The following GPR143 variants were observed in gnomAD, a reference collection of about 807,000 sequenced individuals.
The protein encoded by GPR143 is G protein-coupled receptor 143.
In GPR143, 8 loss-of-function variants were observed where a neutral mutation model predicts 27.6. The ratio of observed to expected loss-of-function variants is 0.29; its 90% CI spans 0.17 to 0.52. The LOEUF (loss-of-function observed/expected upper bound fraction) is 0.52. Among genes scored for constraint, GPR143 ranks in the 20% least tolerant of loss-of-function variants. The probability of loss-of-function intolerance (pLI) is 0.96; values close to 1 mark genes in which losing one functional copy is unlikely to be tolerated. For missense variants in GPR143, 303 were observed against 343.1 expected (o/e 0.88, Z 0.92); for synonymous variants, 156 against 153.2 (o/e 1.02, Z -0.13).
chrX:9,741,504 C>T (rs375846509), intron 6 of GPR143, 49 bp from the exon 7 acceptor site: 9 of 617,412 alleles, frequency 1.5e-5, no homozygotes, highest in African/African-American at 6.6e-5. Context: ...CAATGAAACT[C>T]GTTTTTAAAT....
At chrX:9,778,331 C>T (rs760129860) in intron 1 of GPR143, among the ~76,000 whole-genome samples, 12 of 111,532 alleles carry the variant, frequency 1.1e-4, no homozygotes, top group African/African-American at 3.3e-4. Flanking sequence ...AGCAGGCTAA[C>T]GGCAAGCCAC....
intron 7 of GPR143, chrX:9,741,119 G>A (rs1001939180): frequency 6.8e-6 from 2 of 292,950 alleles, no homozygotes; most frequent in African/African-American, 5.6e-5. Context: ...TAAAAAAAGA[G>A]ATGGGGTCTC....
rs149494223 is a variant in GPR143, at chrX:9,752,125, A to G, written c.456-3459T>C. On this transcript the variant is annotated intron_variant, in intron 3 of 8. Coordinates refer to ENST00000467482, the MANE Select transcript of GPR143 (RefSeq NM_000273.3). ...CCTCTGTCACCCATACTGGCATGCA[A>G]TGGCACAATGATAGCTCACAGTAAC... 6.2e-3 allele frequency among the ~76,000 whole-genome samples: 703 copies of G among 112,539 alleles called. 3 individuals are homozygous for G. The highest frequency in any genetic ancestry group is 0.022 in the African/African-American group (667 of 31,000).
intron 1 of GPR143, among the ~76,000 whole-genome samples, chrX:9,776,965 C>A (rs2083572829): frequency 9.0e-6 from 1 of 111,485 alleles, no homozygotes. Flanking sequence ...AAAAAATGAG[C>A]CAGATGGTAA....
intron 3 of GPR143, among the ~76,000 whole-genome samples, chrX:9,756,583 G>A (rs2083474825): frequency 2.7e-5 from 3 of 112,028 alleles, no homozygotes. Context: ...TGCAAAAGAG[G>A]TGAATAGATA....
intron 1 of GPR143, among the ~76,000 whole-genome samples, chrX:9,762,619 A>G (rs1433855951): frequency 3.6e-5 from 4 of 111,770 alleles, no homozygotes. Flanking sequence ...ATATACCACT[A>G]AACACACACT....
At chrX:9,751,757 C>A (rs936611086) in intron 3 of GPR143, among the ~76,000 whole-genome samples, 16 of 112,546 alleles carry the variant, frequency 1.4e-4, no homozygotes, top group African/African-American at 4.5e-4. Flanking sequence ...GTTTAAAGGG[C>A]AAATATTACA....
upstream of GPR143, among the ~76,000 whole-genome samples, chrX:9,767,014 A>G (rs768233088): frequency 9.0e-6 from 1 of 111,004 alleles, no homozygotes; most frequent in East Asian, 2.8e-4. Flanking sequence ...AAGTACACAC[A>G]GACACATTTT....
intron 8 of GPR143, among the ~76,000 whole-genome samples, chrX:9,729,119 G>C (rs1322890950): frequency 9.0e-6 from 1 of 111,336 alleles, no homozygotes; most frequent in African/African-American, 3.3e-5. Flanking sequence ...GGTTTTGTCA[G>C]TGTGGTGAAT....
At chrX:9,753,589 T>C (rs982103772) in intron 3 of GPR143, among the ~76,000 whole-genome samples, 3 of 110,872 alleles carry the variant, frequency 2.7e-5, no homozygotes, top group Admixed American at 9.6e-5. Flanking sequence ...CGAATCCAGG[T>C]GGATCTGCAG....
At chrX:9,751,113 C>T (rs1040430387) in intron 3 of GPR143, among the ~76,000 whole-genome samples, 4 of 112,831 alleles carry the variant, frequency 3.5e-5, no homozygotes, top group African/African-American at 1.3e-4. Flanking sequence ...CCGTGAGTTG[C>T]TCCTCTCAGC....
intron 1 of GPR143, among the ~76,000 whole-genome samples, chrX:9,774,396 A>G (rs888710808): frequency 5.5e-4 from 61 of 111,783 alleles, no homozygotes; most frequent in Admixed American, 1.5e-3. Context: ...GAAAGAGTCC[A>G]CCACAGCCAC....
At chrX:9,739,809 A>C (rs2083394949) in intron 7 of GPR143, 90 bp from the exon 8 acceptor site, 1 of 626,236 alleles carries the variant, frequency 1.6e-6, no homozygotes, top group Non-Finnish European at 2.6e-6. Flanking sequence ...CACTCCCCCC[A>C]GGATGCCCAC....
intron 1 of GPR143, among the ~76,000 whole-genome samples, chrX:9,763,730 C>A (rs912513624): frequency 1.8e-4 from 20 of 111,979 alleles, no homozygotes; most frequent in African/African-American, 6.2e-4. Context: ...AAAAGCTAAA[C>A]AGAATGGCCA....
intron 3 of GPR143, among the ~76,000 whole-genome samples, chrX:9,750,831 G>A (rs1018935769): frequency 4.4e-5 from 5 of 112,785 alleles, no homozygotes; most frequent in Admixed American, 3.7e-4. Flanking sequence ...CCAAAGTACT[G>A]GGATTGCAGG....
intron 1 of GPR143, 42 bp downstream of exon 1, chrX:9,765,526 G>T: frequency 9.3e-7 from 1 of 1,077,864 alleles, no homozygotes; most frequent in Non-Finnish European, 1.2e-6. Context: ...CCTCACCCAG[G>T]CGCTGATCAG....
chrX:9,776,175 T>C (rs916156841), intron 1 of GPR143, among the ~76,000 whole-genome samples: 7 of 111,880 alleles, frequency 6.3e-5, no homozygotes, highest in South Asian at 3.7e-4. Flanking sequence ...TGCGGAGACA[T>C]TGTCTGTGAT....
rs185826273 is a variant in GPR143 at position 9,775,230 on chromosome X, A to G, written c.-3+11012T>C. On this transcript the variant is annotated intron_variant, in intron 1 of 7. Transcript: ENST00000447366. ...CGGTATTGACCTGGCTGAATGAAAC[A>G]TGAGAGTCTTGGACTGTGTCCATCC... 7.2e-3 allele frequency among the ~76,000 whole-genome samples: 811 copies of G among 112,006 alleles called. 7 individuals carry two copies. Among genetic ancestry groups the G allele is most frequent in the African/African-American group, 0.025 (761 of 30,839 alleles).
chrX:9,728,535 G>A (rs1310893933), intron 8 of GPR143, among the ~76,000 whole-genome samples: 2 of 105,245 alleles, frequency 1.9e-5, no homozygotes, highest in African/African-American at 7.1e-5. Flanking sequence ...GGCAAGTGTG[G>A]GCTGGGCACG....
Sources: allele counts gnomAD v4.1 joint callset (sites outside exome capture counted in the v4.1 genomes callset), GRCh38; gene constraint gnomAD v4.1.1; transcripts MANE v1.5; gene names NCBI Gene and HGNC (gene_info 2026-07-23, HGNC 2026-07-21).